The following GPR158 variants were observed in gnomAD, a reference collection of about 807,000 sequenced individuals.
GPR158 encodes the protein G protein-coupled receptor 158, also known as metabotropic glycine receptor.
GPR158 carries 30 observed loss-of-function variants against 78.2 expected under a neutral mutation model. The ratio of observed to expected loss-of-function variants is 0.38; its 90% CI spans 0.29 to 0.52. The LOEUF (loss-of-function observed/expected upper bound fraction) is 0.52, where lower values mean the gene tolerates loss of function less well. GPR158 is among the 20% of genes least tolerant of loss of function. The pLI is 0.83. For synonymous variants in GPR158, 581 were observed against 591.1 expected (o/e 0.98, Z 0.25); for missense variants, 1,463 against 1,523.5 (o/e 0.96, Z 0.66).
chr10:25,307,786 T>C (rs1854701886), intron 2 of GPR158, among the ~76,000 whole-genome samples: 1 of 152,234 alleles, frequency 6.6e-6, no homozygotes, highest in Non-Finnish European at 1.5e-5. Flanking sequence ...AGCTGTTCTG[T>C]AGTTTATTTA....
At chr10:25,288,773 G>C (rs1180626419) in intron 2 of GPR158, among the ~76,000 whole-genome samples, 1 of 152,156 alleles carries the variant, frequency 6.6e-6, no homozygotes, top group Non-Finnish European at 1.5e-5. Context: ...GAGTACATTT[G>C]ATTGTAGAAG....
chr10:25,369,110 C>T (rs1364401058), intron 2 of GPR158, among the ~76,000 whole-genome samples: 1 of 151,688 alleles, frequency 6.6e-6, no homozygotes, highest in African/African-American at 2.4e-5. Flanking sequence ...ATGTCATCTG[C>T]AAACAGGGAC....
At chr10:25,355,415 T>A (rs1326011259) in intron 2 of GPR158, among the ~76,000 whole-genome samples, 1 of 152,094 alleles carries the variant, frequency 6.6e-6, no homozygotes, top group Non-Finnish European at 1.5e-5. Context: ...TCTGATAAAT[T>A]TTTGAATTGC....
intron 2 of GPR158, among the ~76,000 whole-genome samples, chr10:25,299,133 G>A (rs780857184): frequency 1.3e-5 from 2 of 151,996 alleles, no homozygotes; most frequent in Admixed American, 6.6e-5. Context: ...GTTTATTTTT[G>A]TATATGTTTA....
At chr10:25,422,185 T>C (rs1300134321) in intron 4 of GPR158, among the ~76,000 whole-genome samples, 1 of 152,220 alleles carries the variant, frequency 6.6e-6, no homozygotes, top group East Asian at 1.9e-4. Flanking sequence ...CCAAAAGCCC[T>C]GTTATTACCA....
intron 2 of GPR158, among the ~76,000 whole-genome samples, chr10:25,364,060 G>T (rs1855681821): frequency 2.0e-5 from 3 of 152,000 alleles, no homozygotes; most frequent in Middle Eastern, 3.4e-3. Flanking sequence ...CACCATATAT[G>T]TAGTTGTATA....
intron 1 of GPR158, among the ~76,000 whole-genome samples, chr10:25,198,486 T>C (rs1284382802): frequency 6.6e-6 from 1 of 152,178 alleles, no homozygotes; most frequent in African/African-American, 2.4e-5. Context: ...GACTATCAGG[T>C]CATGATTGAA....
At chr10:25,540,890 A>C (rs1244841298) in intron 5 of GPR158, among the ~76,000 whole-genome samples, 1 of 151,184 alleles carries the variant, frequency 6.6e-6, no homozygotes, top group African/African-American at 2.4e-5. Flanking sequence ...ATGTATACAT[A>C]TGTAACAAAC....
chr10:25,330,403 T>C (rs1297252434), intron 2 of GPR158, among the ~76,000 whole-genome samples: 1 of 152,184 alleles, frequency 6.6e-6, no homozygotes, highest in African/African-American at 2.4e-5. Context: ...AACTCAAGTT[T>C]GGCGAGGCAT....
chr10:25,287,216 C>T (rs1025803507), intron 2 of GPR158, among the ~76,000 whole-genome samples: 8 of 151,874 alleles, frequency 5.3e-5, no homozygotes, highest in African/African-American at 1.7e-4. Context: ...CACTGCTCTT[C>T]CCCGAGATAT....
intron 4 of GPR158, among the ~76,000 whole-genome samples, chr10:25,461,343 G>A (rs934387103): frequency 1.3e-5 from 2 of 152,170 alleles, no homozygotes; most frequent in Non-Finnish European, 2.9e-5. Context: ...ACACATGTAT[G>A]ATAAGAAAGC....
At chr10:25,224,440 CAG>C (rs1193121523) in intron 2 of GPR158, among the ~76,000 whole-genome samples, 2 of 150,942 alleles carry the variant, frequency 1.3e-5, no homozygotes, top group Non-Finnish European at 3.0e-5. Context: ...TATTATAAAT[CAG>C]AAAATTTTAC....
chr10:25,540,328 C>G (rs1836561146), intron 5 of GPR158, among the ~76,000 whole-genome samples: 1 of 152,174 alleles, frequency 6.6e-6, no homozygotes, highest in African/African-American at 2.4e-5. Flanking sequence ...AATAGGAACA[C>G]TTTTACACTG....
At chr10:25,231,563 T>C (rs528666934) in intron 2 of GPR158, among the ~76,000 whole-genome samples, 1 of 152,292 alleles carries the variant, frequency 6.6e-6, no homozygotes, top group African/African-American at 2.4e-5. Context: ...TTGAAATATT[T>C]GAATTAGAAT....
intron 5 of GPR158, among the ~76,000 whole-genome samples, chr10:25,540,945 A>AATATATAT (rs57800341): frequency 2.9e-4 from 24 of 82,920 alleles, no homozygotes; most frequent in African/African-American, 1.5e-3. Context: ...GTATAATAAA[A>AATATATAT]ATATATATAT....
At chr10:25,243,227 T>C (rs1853648709) in intron 2 of GPR158, among the ~76,000 whole-genome samples, 1 of 152,228 alleles carries the variant, frequency 6.6e-6, no homozygotes, top group Non-Finnish European at 1.5e-5. Flanking sequence ...TCATCTGGCC[T>C]AGAATGTTTC....
intron 2 of GPR158, among the ~76,000 whole-genome samples, chr10:25,359,700 A>T (rs1855604265): frequency 6.6e-6 from 1 of 152,146 alleles, no homozygotes. Flanking sequence ...GCTATTGTGA[A>T]TAGTGCTGCA....
chr10:25,591,955 A>G (rs1837346553), intron 8 of GPR158, among the ~76,000 whole-genome samples: 1 of 152,086 alleles, frequency 6.6e-6, no homozygotes, highest in African/African-American at 2.4e-5. Context: ...TCAAGTATGT[A>G]CAATGTCTTA....
At chr10:25,268,802 A>G (rs961464422) in intron 2 of GPR158, among the ~76,000 whole-genome samples, 6 of 152,210 alleles carry the variant, frequency 3.9e-5, no homozygotes, top group African/African-American at 7.2e-5. Context: ...ACATAAGGTC[A>G]ACGAAATGTC....
Sources: gnomAD v4.1 joint callset for allele counts (sites outside exome capture counted in the v4.1 genomes callset) on GRCh38, gnomAD v4.1.1 for gene constraint, MANE v1.5 for transcripts, NCBI Gene and HGNC (gene_info 2026-07-23, HGNC 2026-07-21) for gene names.